Variants in CSMD1 observed in about 807,000 individuals in gnomAD.
CSMD1 encodes the protein CUB and Sushi multiple domains 1, also known as CUB and sushi domain-containing protein 1.
In CSMD1, 213 loss-of-function variants were observed where a neutral mutation model predicts 417.5. The ratio of observed to expected loss-of-function variants is 0.51; its 90% CI spans 0.46 to 0.57. The LOEUF (loss-of-function observed/expected upper bound fraction) is 0.57. CSMD1 is among the 20% of genes least tolerant of loss of function. CSMD1 has a pLI of 0.00. For missense variants in CSMD1, 6,923 were observed against 4,529.7 expected (o/e 1.53, Z -15.17); for synonymous variants, 2,862 against 1,736.8 (o/e 1.65, Z -16.11).
At chr8:4,990,390 C>T (rs1811400019) in intron 1 of CSMD1, among the ~76,000 whole-genome samples, 1 of 150,578 alleles carries the variant, frequency 6.6e-6, no homozygotes, top group Admixed American at 6.6e-5. Flanking sequence ...TGAGATGGAG[C>T]TTAGCTTTTG....
chr8:3,962,204 G>A (rs754345670), intron 5 of CSMD1, among the ~76,000 whole-genome samples: 1 of 152,118 alleles, frequency 6.6e-6, no homozygotes, highest in Non-Finnish European at 1.5e-5. Context: ...ATTCCAGAAT[G>A]GGATTGTTTT....
intron 2 of CSMD1, among the ~76,000 whole-genome samples, chr8:4,520,021 T>C (rs1369168711): frequency 1.3e-5 from 2 of 151,696 alleles, no homozygotes; most frequent in Non-Finnish European, 1.5e-5. Context: ...TATTTAGAAA[T>C]AAATTAGAAT....
rs1267129951 is a variant in CSMD1, at chr8:3,449,764, C to T, written c.1561+18948G>A. On this transcript the variant is annotated intron_variant, in intron 12 of 69. Coordinates refer to ENST00000635120, the MANE Select transcript of CSMD1 (RefSeq NM_033225.6). ...AACTCTTGACCTCAGGTGATCCTCCCACCTTGGCCTCCCAAAGTGCCAGCA... is the reference window on the plus strand; with the variant it reads ...AACTCTTGACCTCAGGTGATCCTCCTACCTTGGCCTCCCAAAGTGCCAGCA... 2.6e-5 allele frequency among the ~76,000 whole-genome samples: 4 copies of T among 152,152 alleles called. 1 individual carries two copies. The South Asian group carries it at 8.3e-4, about 32-fold the overall frequency.
At chr8:3,499,539 G>C (rs1355732132) in intron 10 of CSMD1, among the ~76,000 whole-genome samples, 1 of 152,064 alleles carries the variant, frequency 6.6e-6, no homozygotes, top group Non-Finnish European at 1.5e-5. Flanking sequence ...TACCCAAAAG[G>C]CCAGTCCTTG....
intron 12 of CSMD1, among the ~76,000 whole-genome samples, chr8:3,439,139 A>G: frequency 7.7e-6 from 1 of 129,928 alleles, no homozygotes; most frequent in Admixed American, 7.6e-5. Context: ...AAAAAAAAAA[A>G]AAAAAAAAAA....
At chr8:4,882,959 A>C (rs531256707) in intron 1 of CSMD1, among the ~76,000 whole-genome samples, 1 of 152,172 alleles carries the variant, frequency 6.6e-6, no homozygotes, top group South Asian at 2.1e-4. Flanking sequence ...TGTTAGCTCC[A>C]AACTAAACCT....
At chr8:3,989,915 T>C (rs1563290765) in intron 5 of CSMD1, among the ~76,000 whole-genome samples, 1 of 152,154 alleles carries the variant, frequency 6.6e-6, no homozygotes, top group African/African-American at 2.4e-5. Context: ...TGTGCAAACT[T>C]TCATAAGAAA....
chr8:4,264,538 A>G (rs1585122970), intron 3 of CSMD1, among the ~76,000 whole-genome samples: 1 of 152,212 alleles, frequency 6.6e-6, no homozygotes, highest in East Asian at 1.9e-4. Context: ...CCGTTACTTA[A>G]AGCCCTGTTT....
At position 2,937,445 on chromosome 8, in the gene CSMD1, A is replaced by AAC. The variant is rs766608557; in HGVS notation, c.*1139_*1140insGT. The AAC allele has an allele frequency of 1.2e-5, 1 of 86,864 alleles. No homozygotes were observed. The highest frequency in any genetic ancestry group is 2.5e-5 in the Non-Finnish European group (1 of 40,006). The allele number at this position is 86,864 out of a possible 1,614,324, so 5.4% of individuals were successfully genotyped here. A position where few individuals can be genotyped will look rare whatever the true frequency, so the allele number is the denominator to read the frequency against. On this transcript the variant is annotated 3_prime_UTR_variant, in exon 70 of 70. Transcript: ENST00000635120. Reference sequence around the variant, plus strand: ...GATGGCACAGTAAAAGACAAAAAAAAAAAAAAACAAAAAAAAAACACTGCA... The same window carrying AAC: ...GATGGCACAGTAAAAGACAAAAAAAAACAAAAAAACAAAAAAAAAACACTGCA...
chr8:4,920,191 T>C (rs73659286), intron 1 of CSMD1, among the ~76,000 whole-genome samples: 6,875 of 152,232 alleles, frequency 0.045, 228 homozygotes, highest in African/African-American at 0.092. Flanking sequence ...AAGAGTCTTA[T>C]GCTAATGAAC....
At chr8:3,562,103 A>G (rs567167243) in intron 10 of CSMD1, among the ~76,000 whole-genome samples, 5 of 149,858 alleles carry the variant, frequency 3.3e-5, no homozygotes, top group South Asian at 2.1e-4. Flanking sequence ...AGATGAACAT[A>G]ACCATATGAG....
intron 1 of CSMD1, among the ~76,000 whole-genome samples, chr8:4,752,919 G>T (rs558600908): frequency 3.9e-5 from 6 of 152,066 alleles, no homozygotes; most frequent in Non-Finnish European, 8.8e-5. Context: ...GCTATTACAG[G>T]GCTTCCCAGT....
chr8:4,041,290 T>A (rs1797882471), intron 3 of CSMD1, among the ~76,000 whole-genome samples: 1 of 140,380 alleles, frequency 7.1e-6, no homozygotes, highest in Admixed American at 7.2e-5. Flanking sequence ...GTACGGGGAT[T>A]ACATGCGTGA....
chr8:3,265,262 C>G (rs1474278492), intron 26 of CSMD1, among the ~76,000 whole-genome samples: 1 of 152,182 alleles, frequency 6.6e-6, no homozygotes, highest in African/African-American at 2.4e-5. Flanking sequence ...CAAAATGCTA[C>G]TAAGTGTCAA....
At chr8:4,993,403 T>G (rs1407679969) in intron 1 of CSMD1, among the ~76,000 whole-genome samples, 2 of 152,198 alleles carry the variant, frequency 1.3e-5, no homozygotes, top group Admixed American at 6.5e-5. Flanking sequence ...TCTCTCTCCC[T>G]CTTTCTCGCC....
chr8:4,419,202 C>CTG (rs1797113726), intron 3 of CSMD1, among the ~76,000 whole-genome samples: 1 of 152,138 alleles, frequency 6.6e-6, no homozygotes, highest in African/African-American at 2.4e-5. Context: ...AATTTACAGA[C>CTG]TCCAGAGTTT....
Position 3,097,462 on chromosome 8 carries a change from C to T in CSMD1, c.6950-425G>A, listed in dbSNP as rs368145125. On this transcript the variant is annotated intron_variant, in intron 46 of 69. Transcript: ENST00000635120. ...TTTGGCTTTAAATATACAGTAGGCC[C>T]CCTTACCCCTGGGGATACATTCCAA... 3.3e-3 allele frequency among the ~76,000 whole-genome samples: 469 copies of T among 141,568 alleles called. 3 individuals carry two copies. Among genetic ancestry groups the T allele is most frequent in the Middle Eastern group, 0.015 (4 of 260 alleles). The allele number at this position is 141,568 out of a possible 152,430, so 92.9% of individuals were successfully genotyped here. A position where few individuals can be genotyped will look rare whatever the true frequency, so the allele number is the denominator to read the frequency against.
rs368747008 is a variant in CSMD1 at position 3,442,993 on chromosome 8, C to G, written c.1561+25719G>C. Among the ~76,000 whole-genome samples the G allele has an allele frequency of 3.3e-5, 5 of 152,202 alleles. No homozygotes were observed. In the East Asian group the frequency reaches 5.8e-4, roughly 18 times the overall value. Reference sequence around the variant, plus strand: ...TAATTTAAATCATTAAAATTGTCCTCTTTCTATAGGAACTTGCATATTTCT... The same window carrying G: ...TAATTTAAATCATTAAAATTGTCCTGTTTCTATAGGAACTTGCATATTTCT... On this transcript the variant is annotated intron_variant, in intron 12 of 69. Transcript: ENST00000635120.
chr8:3,672,393 C>T (rs1159744395), intron 7 of CSMD1, among the ~76,000 whole-genome samples: 1 of 152,142 alleles, frequency 6.6e-6, no homozygotes, highest in East Asian at 1.9e-4. Flanking sequence ...CATTCTCAAC[C>T]ACAGCTCAGA....
Sources: gnomAD v4.1 joint callset for allele counts (sites outside exome capture counted in the v4.1 genomes callset) on GRCh38, gnomAD v4.1.1 for gene constraint, MANE v1.5 for transcripts, NCBI Gene and HGNC (gene_info 2026-07-23, HGNC 2026-07-21) for gene names.